Variants in EFNA5 observed in about 807,000 individuals in gnomAD.
EFNA5 encodes the protein ephrin-A5.
A neutral mutation model predicts 22.9 loss-of-function variants in EFNA5; 5 were observed. That is an observed-to-expected ratio of 0.22 (90% CI 0.11 to 0.46). The LOEUF is 0.46. EFNA5 is among the 20% of genes least tolerant of loss of function. The pLI is 0.99. For missense variants in EFNA5, 237 were observed against 293.3 expected (o/e 0.81, Z 1.40); for synonymous variants, 113 against 112.2 (o/e 1.01, Z -0.04).
chr5:107,377,891 A>G lies in EFNA5; in HGVS notation c.*3364T>C, dbSNP rs147444494. 2 of 152,336 alleles carry G rather than the reference A, an allele frequency of 1.3e-5. No individual in the cohort carries two copies. Among genetic ancestry groups the G allele is most frequent in the Admixed American group, 1.3e-4 (2 of 15,300 alleles). The allele number at this position is 152,336 out of a possible 1,614,324, so 9.4% of individuals were successfully genotyped here. A position where few individuals can be genotyped will look rare whatever the true frequency, so the allele number is the denominator to read the frequency against. On this transcript the variant is annotated 3_prime_UTR_variant, in exon 5 of 5. Transcript: ENST00000333274. ...GGCTCCAACATCAGACCTTGAAAAC[A>G]CCGAGGACAAAATATCGATCAAAAA...
intron 1 of EFNA5, among the ~76,000 whole-genome samples, chr5:107,666,319 G>C (rs1481765763): frequency 6.6e-6 from 1 of 151,482 alleles, no homozygotes; most frequent in Non-Finnish European, 1.5e-5. Context: ...ATATGATTAG[G>C]AAAAAAAAAA....
At chr5:107,528,820 G>A (rs1190663765) in intron 1 of EFNA5, among the ~76,000 whole-genome samples, 2 of 152,144 alleles carry the variant, frequency 1.3e-5, no homozygotes, top group Admixed American at 6.6e-5. Context: ...AATAAATTGT[G>A]ACTGATAGGT....
At chr5:107,381,419 C>G (rs757308847) in intron 4 of EFNA5, 43 bp from the exon 5 acceptor site, 1 of 1,570,532 alleles carries the variant, frequency 6.4e-7, no homozygotes, top group Non-Finnish European at 8.7e-7. Context: ...ATTTCACATC[C>G]TTAATAACTC....
intron 1 of EFNA5, among the ~76,000 whole-genome samples, chr5:107,552,903 A>G (rs893709705): frequency 3.9e-5 from 6 of 152,350 alleles, no homozygotes; most frequent in Non-Finnish European, 8.8e-5. Flanking sequence ...TATAAGCTGT[A>G]ACATGTGGGC....
chr5:107,623,201 G>A (rs1471570895), intron 1 of EFNA5, among the ~76,000 whole-genome samples: 3 of 152,068 alleles, frequency 2.0e-5, no homozygotes, highest in African/African-American at 7.2e-5. Context: ...TGAGCAGTGA[G>A]ATGGTGGGGC....
intron 1 of EFNA5, among the ~76,000 whole-genome samples, chr5:107,428,932 G>A (rs896042815): frequency 1.3e-5 from 2 of 152,264 alleles, no homozygotes; most frequent in East Asian, 3.9e-4. Context: ...CAAGATGTCA[G>A]CTATATCTCT....
At chr5:107,467,571 C>A (rs747894344) in intron 1 of EFNA5, among the ~76,000 whole-genome samples, 2 of 152,160 alleles carry the variant, frequency 1.3e-5, no homozygotes, top group Non-Finnish European at 2.9e-5. Flanking sequence ...CAAATTCTGA[C>A]ATAGGTGATA....
chr5:107,482,954 T>C (rs999365835), intron 1 of EFNA5, among the ~76,000 whole-genome samples: 3 of 149,056 alleles, frequency 2.0e-5, no homozygotes, highest in African/African-American at 7.5e-5. Flanking sequence ...GAAAAATAAA[T>C]TGAAAAGAGC....
At chr5:107,480,701 T>G (rs889063747) in intron 1 of EFNA5, among the ~76,000 whole-genome samples, 2 of 152,064 alleles carry the variant, frequency 1.3e-5, no homozygotes, top group African/African-American at 4.8e-5. Flanking sequence ...TGAGCAGGGC[T>G]GGGGATACAC....
At chr5:107,521,055 T>C (rs1030926062) in intron 1 of EFNA5, among the ~76,000 whole-genome samples, 3 of 152,220 alleles carry the variant, frequency 2.0e-5, no homozygotes, top group South Asian at 2.1e-4. Flanking sequence ...ATTAGACCTA[T>C]ACAGATGCTC....
At chr5:107,398,765 G>T (rs1014099788) in intron 2 of EFNA5, among the ~76,000 whole-genome samples, 1 of 149,166 alleles carries the variant, frequency 6.7e-6, no homozygotes, top group Non-Finnish European at 1.5e-5. Flanking sequence ...TGAGGCAGGA[G>T]AATGGCTTGA....
intron 1 of EFNA5, among the ~76,000 whole-genome samples, chr5:107,445,964 T>G (rs1273665980): frequency 6.6e-6 from 1 of 152,200 alleles, no homozygotes; most frequent in Middle Eastern, 3.2e-3. Flanking sequence ...AACAACTATT[T>G]TATTGGTTGT....
chr5:107,670,401 G>C (rs987080116), intron 1 of EFNA5, 88 bp downstream of exon 1: 56 of 1,430,470 alleles, frequency 3.9e-5, no homozygotes, highest in Non-Finnish European at 5.0e-5. Flanking sequence ...CGCCGCCAGC[G>C]GTTGGTGCGC....
intron 1 of EFNA5, among the ~76,000 whole-genome samples, chr5:107,438,823 T>G (rs1269013403): frequency 6.6e-6 from 1 of 152,180 alleles, no homozygotes; most frequent in African/African-American, 2.4e-5. Flanking sequence ...TCCAGGCCAC[T>G]GTTGGAAGGT....
Position 107,405,974 on chromosome 5 carries a change from A to C in EFNA5, c.419-18203T>G, listed in dbSNP as rs1654077. On this transcript the variant is annotated intron_variant, in intron 2 of 4. Coordinates refer to ENST00000333274, the MANE Select transcript of EFNA5 (RefSeq NM_001962.3). ...TGTATTTATATACATAGAATGTATA[A>C]AAATACCTATATTTGTATACATATT... Among the ~76,000 whole-genome samples, 155 of 115,956 alleles carry C rather than the reference A, an allele frequency of 1.3e-3. 3 individuals carry two copies. Among genetic ancestry groups the C allele is most frequent in the African/African-American group, 3.3e-3 (100 of 30,298 alleles). The allele number at this position is 115,956 out of a possible 152,430, so 76.1% of individuals were successfully genotyped here.
chr5:107,576,791 A>AT (rs143568856), intron 1 of EFNA5, among the ~76,000 whole-genome samples: 3,785 of 152,272 alleles, frequency 0.025, 140 homozygotes, highest in African/African-American at 0.086. Context: ...AACTGCAAAA[A>AT]TACTAAGCCT....
At chr5:107,628,141 T>A (rs1003036946) in intron 1 of EFNA5, among the ~76,000 whole-genome samples, 2 of 152,144 alleles carry the variant, frequency 1.3e-5, no homozygotes, top group African/African-American at 4.8e-5. Flanking sequence ...ATTTTACAGA[T>A]AGGAATAACG....
chr5:107,435,524 G>C (rs1471169013), intron 1 of EFNA5, among the ~76,000 whole-genome samples: 1 of 152,050 alleles, frequency 6.6e-6, no homozygotes, highest in Non-Finnish European at 1.5e-5. Flanking sequence ...GTTCAGCTCT[G>C]AGAGAAGAGG....
chr5:107,489,177 A>G (rs563722618), intron 1 of EFNA5, among the ~76,000 whole-genome samples: 12 of 152,138 alleles, frequency 7.9e-5, no homozygotes, highest in African/African-American at 2.9e-4. Flanking sequence ...ACCAGACAAA[A>G]TTTGTTTGTT....
Sources: gnomAD v4.1 joint callset for allele counts (sites outside exome capture counted in the v4.1 genomes callset) on GRCh38, gnomAD v4.1.1 for gene constraint, MANE v1.5 for transcripts, NCBI Gene and HGNC (gene_info 2026-07-23, HGNC 2026-07-21) for gene names.